The following PRR36 variants were observed in gnomAD, a reference collection of about 807,000 sequenced individuals.
PRR36 encodes proline-rich protein 36.
In PRR36, 30 loss-of-function variants were observed where a neutral mutation model predicts 58.6. The ratio of observed to expected loss-of-function variants is 0.51; its 90% CI spans 0.38 to 0.69. The LOEUF (loss-of-function observed/expected upper bound fraction) is 0.69, where lower values mean the gene tolerates loss of function less well. Among genes scored for constraint, PRR36 ranks in the 30% least tolerant of loss-of-function variants. The pLI is 0.00. For synonymous variants in PRR36, 771 were observed against 829.3 expected, an observed-to-expected ratio of 0.93 and a Z score of 1.21; for missense variants, 1,692 against 1,805.6, an observed-to-expected ratio of 0.94 and a Z score of 1.14.
Position 7,870,397 on chromosome 19 carries a change from T to A in PRR36, c.2847A>T (p.Pro949=). The change falls in exon 5 of 6, where the codon CCA becomes CCT. Residue 949 remains proline (P), a synonymous_variant. Coordinates refer to ENST00000618550, the MANE Select transcript of PRR36 (RefSeq NM_001190467.2). The stretch of plus-strand genomic sequence containing the variant: ...GCAGAGGAGGCGCAGCGAGAGGGGG[T>A]GGGGCCTGTGGAGGGGGCGTGGCTG... ...SPSATPPPQA[P]PPLAAPPLQV... is the part of the protein sequence containing the mutation. 1 of 313,946 alleles carries A rather than the reference T, an allele frequency of 3.2e-6. No homozygotes were observed. The highest frequency in any genetic ancestry group is 4.0e-6 in the Non-Finnish European group (1 of 250,332). 19.4% of individuals were successfully genotyped at this position (313,946 alleles called of 1,614,324 possible).
chr19:7,868,860 C>T lies in PRR36; in HGVS notation c.*173G>A. The T allele has an allele frequency of 1.4e-6, 1 of 715,426 alleles. No individual in the cohort carries two copies. Among genetic ancestry groups the T allele is most frequent in the Non-Finnish European group, 2.1e-6 (1 of 466,720 alleles). 44.3% of individuals were successfully genotyped at this position (715,426 alleles called of 1,614,324 possible). A position where few individuals can be genotyped will look rare whatever the true frequency, so the allele number is the denominator to read the frequency against. ...CTCGAGGGGCGGGCCTAGGTCAAAG[C>T]TGTGGGTAGGTCCCGAGCCTCCGAG... On this transcript the variant is annotated 3_prime_UTR_variant, in exon 6 of 6. Transcript: ENST00000618550.
In PRR36 at chr19:7,872,675, G is replaced by C; in HGVS notation, c.569C>G (p.Pro190Arg). 1 of 1,455,772 alleles carries C rather than the reference G, an allele frequency of 6.9e-7. No homozygotes were observed. The highest frequency in any genetic ancestry group is 9.0e-7 in the Non-Finnish European group (1 of 1,109,672). 90.2% of individuals were successfully genotyped at this position (1,455,772 alleles called of 1,614,324 possible). Residue 190 changes from proline (P) to arginine (R), a missense_variant, in exon 5 of 6, where the codon CCC becomes CGC. By Grantham distance (103) the Pro-to-Arg change is moderately radical (BLOSUM62 -2). This residue lies in a region of PRR36 where 975 missense variants were observed against 955.2 expected (regional missense o/e 1.02). Coordinates refer to ENST00000618550, the MANE Select transcript of PRR36 (RefSeq NM_001190467.2). This position sits in a 1 kb window ranked among gnomAD's most constrained non-coding sequence, Gnocchi z 6.1. ...SRAAGTEVGL[P>R]RPAPSARPRP... ...TGGCCGGGCACTCGGAGCTGGCCGGGGGAGCCCCACCTCGGTGCCCGCAGC... is the reference window on the plus strand; with the variant it reads ...TGGCCGGGCACTCGGAGCTGGCCGGCGGAGCCCCACCTCGGTGCCCGCAGC...
chr19:7,872,216 G>A lies in PRR36; in HGVS notation c.1028C>T (p.Ala343Val), dbSNP rs1460778380. 1.1e-5 allele frequency: 16 copies of A among 1,457,392 alleles called. No individual in the cohort carries two copies. The South Asian group carries it at 2.3e-4, about 21-fold the overall frequency. The allele number at this position is 1,457,392 out of a possible 1,614,324, so 90.3% of individuals were successfully genotyped here. A position where few individuals can be genotyped will look rare whatever the true frequency, so the allele number is the denominator to read the frequency against. ...GGGCGGGGCCTGACTTTGGAGAGCGGCTGGCGGAGGGGGCGTTACCGGTGG... is the reference window on the plus strand; with the variant it reads ...GGGCGGGGCCTGACTTTGGAGAGCGACTGGCGGAGGGGGCGTTACCGGTGG... The part of the protein sequence containing the change: ...PSPPVTPPPP[A>V]ALQSQAPPTL... The change falls in exon 5 of 6, where the codon GCC becomes GTC. Residue 343 changes from alanine to valine, a missense_variant. Around this residue, in one of 5 missense-constraint regions of PRR36, gnomAD observed 975 missense variants for 955.2 expected, o/e 1.02. Transcript: ENST00000618550. The surrounding 1 kb of genome is among the most constrained non-coding windows in gnomAD (Gnocchi z 6.1).
Position 7,873,337 on chromosome 19 carries a change from G to T in PRR36, c.272-38C>A. On this transcript the variant is annotated intron_variant, in intron 2 of 5. Transcript: ENST00000618550. The surrounding 1 kb of genome is among the most constrained non-coding windows in gnomAD (Gnocchi z 5.0). ...GGCCGAGTCACAGGTGCCCCGGAGA[G>T]GTGGCAGTGGAGGTGAGACTGGACA... is the stretch of plus-strand genomic sequence containing the variant. 6.6e-7 allele frequency: 1 copy of T among 1,521,198 alleles called. No individual in the cohort carries two copies. Among genetic ancestry groups the T allele is most frequent in the Non-Finnish European group, 8.8e-7 (1 of 1,137,882 alleles). 94.2% of individuals were successfully genotyped at this position (1,521,198 alleles called of 1,614,324 possible).
Position 7,872,247 on chromosome 19 carries a change from G to A in PRR36, c.997C>T (p.Pro333Ser), listed in dbSNP as rs1349107106. Reference sequence around the variant, plus strand: ...GGAGGGGGCGTTACCGGTGGAGAGGGAGGGAGCGTGGCTGGCAGGGGAGTG... The same window carrying A: ...GGAGGGGGCGTTACCGGTGGAGAGGAAGGGAGCGTGGCTGGCAGGGGAGTG... ...AATPLPATLPPSPPVTPPPPA... is the reference protein window; with the variant it reads ...AATPLPATLPSSPPVTPPPPA... The change falls in exon 5 of 6, where the codon CCC becomes TCC. Residue 333 changes from proline to serine, a missense_variant. Pro to Ser is a moderately conservative substitution (Grantham distance 74). This residue lies in a region of PRR36 where 975 missense variants were observed against 955.2 expected (regional missense o/e 1.02). Transcript: ENST00000618550. This position sits in a 1 kb window ranked among gnomAD's most constrained non-coding sequence, Gnocchi z 6.1. 2.1e-6 allele frequency: 3 copies of A among 1,457,820 alleles called. No individual in the cohort carries two copies. 90.3% of individuals were successfully genotyped at this position (1,457,820 alleles called of 1,614,324 possible). A position where few individuals can be genotyped will look rare whatever the true frequency, so the allele number is the denominator to read the frequency against.
In PRR36 at chr19:7,871,985, A is replaced by C. The variant is rs754259725; in HGVS notation, c.1259T>G (p.Val420Gly). 7.8e-6 allele frequency: 12 copies of C among 1,535,792 alleles called. No homozygotes were observed. Among genetic ancestry groups the C allele is most frequent in the Non-Finnish European group, 1.0e-5 (12 of 1,146,852 alleles). ...GVSSLATAAF[V>G]ASVSPSVSSP... ...TGAAACTGATGGAGAGACTGAAGCC[A>C]CAAAAGCGGCTGTGGCCAGGGAAGA... Residue 420 changes from valine (V) to glycine (G), a missense_variant, in exon 5 of 6, where the codon GTG becomes GGG. By Grantham distance (109) the Val-to-Gly change is moderately radical. Transcript: ENST00000618550.
Position 7,869,106 on chromosome 19 carries a change from G to T in PRR36, c.3968C>A (p.Thr1323Asn). 6.5e-7 allele frequency: 1 copy of T among 1,535,254 alleles called. No individual in the cohort carries two copies. The highest frequency in any genetic ancestry group is 8.7e-7 in the Non-Finnish European group (1 of 1,146,614). The stretch of plus-strand genomic sequence containing the variant: ...GGCCACGTCGTCCGGAGAGAAGCTG[G>T]TGACCGAGGTGATGCTGGCACGGGA... Reference protein sequence around the residue: ...DESRASITSVTSFSPDDVASP... With the variant: ...DESRASITSVNSFSPDDVASP... Residue 1323 changes from threonine to asparagine, a missense_variant, in exon 6 of 6, where the codon ACC (threonine) becomes AAC (asparagine). This residue lies in a region of PRR36 where 485 missense variants were observed against 549.2 expected (regional missense o/e 0.88). Transcript: ENST00000618550.
In PRR36 at chr19:7,870,932, GCTGTCTGC is replaced by G; in HGVS notation, c.2304_2311del (p.Gln769PhefsTer234). The G allele has an allele frequency of 1.4e-5, 20 of 1,393,480 alleles. No homozygotes were observed. Among genetic ancestry groups the G allele is most frequent in the Non-Finnish European group, 1.3e-5 (14 of 1,077,232 alleles). The allele number at this position is 1,393,480 out of a possible 1,614,324, so 86.3% of individuals were successfully genotyped here. A position where few individuals can be genotyped will look rare whatever the true frequency, so the allele number is the denominator to read the frequency against. On this transcript the variant is annotated frameshift_variant, in exon 5 of 6. Transcript: ENST00000618550. LOFTEE classifies it high-confidence loss of function. ...ATGGGGTGTGGTCAGGGGAGCAGAA[GCTGTCTGC>G]AGAGGAGGCGGGGCTAGAGAAGGTA...
In PRR36 at chr19:7,871,857, G is replaced by C; in HGVS notation, c.1387C>G (p.Pro463Ala). 2 of 1,536,044 alleles carry C rather than the reference G, an allele frequency of 1.3e-6. No homozygotes were observed. Among genetic ancestry groups the C allele is most frequent in the Non-Finnish European group, 1.7e-6 (2 of 1,146,888 alleles). ...GCCGGAGAAACAGGGCCTTGTAGAG[G>C]AGACATGGCTGACAGAGGAGGTGTG... ...LATPPLSAMSPLQGPVSPATS... is the reference protein window; with the variant it reads ...LATPPLSAMSALQGPVSPATS... Residue 463 changes from proline (P) to alanine (A), a missense_variant, in exon 5 of 6, where the codon CCT becomes GCT. Transcript: ENST00000618550.
At position 7,870,181 on chromosome 19, in the gene PRR36, G is replaced by A. The variant is rs1239579319; in HGVS notation, c.3063C>T (p.Ala1021=). ...GGAATGAGGCAGGCGGAGAGGGAAG[G>A]GCCTGCAGAGGAGGTGTGGCCAGAG... ...PPALATPPLQ[A]LPSPPASFPG... The change falls in exon 5 of 6, where the codon GCC becomes GCT. Residue 1021 remains alanine, a synonymous_variant. Transcript: ENST00000618550. 3 of 1,426,690 alleles carry A rather than the reference G, an allele frequency of 2.1e-6. No individual in the cohort carries two copies. The highest frequency in any genetic ancestry group is 2.7e-6 in the Non-Finnish European group (3 of 1,096,016). 88.4% of individuals were successfully genotyped at this position (1,426,690 alleles called of 1,614,324 possible).
chr19:7,872,883 G>A lies in PRR36; in HGVS notation c.453C>T (p.Pro151=). The change falls in exon 4 of 6, where the codon CCC becomes CCT. Residue 151 remains proline (P), a synonymous_variant. Coordinates refer to ENST00000618550, the MANE Select transcript of PRR36 (RefSeq NM_001190467.2). The surrounding 1 kb of genome is among the most constrained non-coding windows in gnomAD (Gnocchi z 6.1). Reference sequence around the variant, plus strand: ...CCCCAGCGCTGAGGGCACTCCTTTTGGGAGCCTCTGTAGCTTTTCCTCTGG... The same window carrying A: ...CCCCAGCGCTGAGGGCACTCCTTTTAGGAGCCTCTGTAGCTTTTCCTCTGG... ...TVARGKATEA[P]KRSALSAGAR... 1 of 1,536,024 alleles carries A rather than the reference G, an allele frequency of 6.5e-7. No individual in the cohort carries two copies. The highest frequency in any genetic ancestry group is 8.7e-7 in the Non-Finnish European group (1 of 1,146,850).
In PRR36 at chr19:7,872,915, T is replaced by C; in HGVS notation, c.421A>G (p.Thr141Ala). 6.5e-7 allele frequency: 1 copy of C among 1,536,028 alleles called. No individual in the cohort carries two copies. Among genetic ancestry groups the C allele is most frequent in the Admixed American group, 2.0e-5 (1 of 50,990 alleles). The change falls in exon 4 of 6, where the codon ACT becomes GCT. Residue 141 changes from threonine to alanine, a missense_variant. Physicochemically the swap from Thr to Ala is moderately conservative, Grantham distance 58 (BLOSUM62 0). Around this residue, in one of 5 missense-constraint regions of PRR36, gnomAD observed 975 missense variants for 955.2 expected, o/e 1.02. Transcript: ENST00000618550. The surrounding 1 kb of genome is among the most constrained non-coding windows in gnomAD (Gnocchi z 6.1). ...TCTGTAGCTTTTCCTCTGGCCACAG[T>C]TTCCTCCGCTGAGATCCGGAGTCCC... ...QKGLRISAEE[T>A]VARGKATEAP...
At position 7,869,306 on chromosome 19, in the gene PRR36, G is replaced by A. The variant is rs181586972; in HGVS notation, c.3768C>T (p.Val1256=). Residue 1256 remains valine (V), a synonymous_variant, in exon 6 of 6, where the codon GTC becomes GTT. Transcript: ENST00000618550. ...GCGTCCGGCTCAGCAGGTGCTGCACGACGCTCGCCTGCAGCGCCCCCAGTG... is the reference window on the plus strand; with the variant it reads ...GCGTCCGGCTCAGCAGGTGCTGCACAACGCTCGCCTGCAGCGCCCCCAGTG... ...ELPLGALQAS[V]VQHLLSRTLL... is the part of the protein sequence containing the mutation. The A allele has an allele frequency of 5.5e-4, 783 of 1,431,626 alleles. No homozygotes were observed. Among genetic ancestry groups the A allele is most frequent in the Admixed American group, 6.7e-4 (22 of 32,606 alleles). The allele number at this position is 1,431,626 out of a possible 1,614,324, so 88.7% of individuals were successfully genotyped here. A position where few individuals can be genotyped will look rare whatever the true frequency, so the allele number is the denominator to read the frequency against.
At position 7,869,255 on chromosome 19, in the gene PRR36, G is replaced by C. The variant is rs1980252717; in HGVS notation, c.3819C>G (p.Ala1273=). The stretch of plus-strand genomic sequence containing the variant: ...CTGGGCCCCCGCCGCTGCCGCCCGC[G>C]GCACCCTCGGCAGCCGCCAGCAGCA... ...RTLLLAAAEG[A]AGGSGGGPGG... The change falls in exon 6 of 6, where the codon GCC becomes GCG. Residue 1273 remains alanine (A), a synonymous_variant. Transcript: ENST00000618550. 3 of 1,472,716 alleles carry C rather than the reference G, an allele frequency of 2.0e-6. No individual in the cohort carries two copies. Among genetic ancestry groups the C allele is most frequent in the Non-Finnish European group, 2.7e-6 (3 of 1,122,294 alleles). The allele number at this position is 1,472,716 out of a possible 1,614,324, so 91.2% of individuals were successfully genotyped here. A position where few individuals can be genotyped will look rare whatever the true frequency, so the allele number is the denominator to read the frequency against.
Position 7,870,333 on chromosome 19 carries a change from G to A in PRR36, c.2911C>T (p.Pro971Ser). 2 of 878,286 alleles carry A rather than the reference G, an allele frequency of 2.3e-6. No homozygotes were observed. Among genetic ancestry groups the A allele is most frequent in the Non-Finnish European group, 2.7e-6 (2 of 739,328 alleles). 54.4% of individuals were successfully genotyped at this position (878,286 alleles called of 1,614,324 possible). A position where few individuals can be genotyped will look rare whatever the true frequency, so the allele number is the denominator to read the frequency against. The change falls in exon 5 of 6, where the codon CCT becomes TCT. Residue 971 changes from proline (P) to serine (S), a missense_variant. Pro to Ser is a moderately conservative substitution (Grantham distance 74). Transcript: ENST00000618550. Reference sequence around the variant, plus strand: ...ACCCGTGGAGGGGGCGTGGCCGAAGGAGACATTGGGGGAGAGGCAGGGGGA... The same window carrying A: ...ACCCGTGGAGGGGGCGTGGCCGAAGAAGACATTGGGGGAGAGGCAGGGGGA... Reference protein sequence around the residue: ...PSPPASPPMSPSATPPPRVPP... With the variant: ...PSPPASPPMSSSATPPPRVPP...
chr19:7,872,519 A>G lies in PRR36; in HGVS notation c.725T>C (p.Leu242Pro). 2 of 1,504,052 alleles carry G rather than the reference A, an allele frequency of 1.3e-6. No homozygotes were observed. Among genetic ancestry groups the G allele is most frequent in the East Asian group, 2.5e-5 (1 of 39,594 alleles). The allele number at this position is 1,504,052 out of a possible 1,614,324, so 93.2% of individuals were successfully genotyped here. ...GGAGAGAGGGGTGGCGCTGGAGCTC[A>G]GGGAGCGCGAGGCCGGCCTCTGGAG... Reference protein sequence around the residue: ...GGLQRPASRSLSSSATPLSSP... With the variant: ...GGLQRPASRSPSSSATPLSSP... Residue 242 changes from leucine (L) to proline (P), a missense_variant, in exon 5 of 6, where the codon CTG becomes CCG. By Grantham distance (98) the Leu-to-Pro change is moderately conservative. This residue lies in a region of PRR36 where 975 missense variants were observed against 955.2 expected (regional missense o/e 1.02). Coordinates refer to ENST00000618550, the MANE Select transcript of PRR36 (RefSeq NM_001190467.2). The surrounding 1 kb of genome is among the most constrained non-coding windows in gnomAD (Gnocchi z 6.1).
rs1404090673 is a variant in PRR36 at position 7,873,601 on chromosome 19, G to C, written c.89C>G (p.Pro30Arg). The C allele has an allele frequency of 1.3e-6, 2 of 1,534,948 alleles. No individual in the cohort carries two copies. Among genetic ancestry groups the C allele is most frequent in the East Asian group, 2.4e-5 (1 of 40,894 alleles). ...RAPGLLTPRP[P>R]GSPRPPPPVT... Reference sequence around the variant, plus strand: ...TGGGGGAGGGGGTCGAGGAGAGCCTGGGGGCCTGGGGGTCAGAAGTCCAGG... The same window carrying C: ...TGGGGGAGGGGGTCGAGGAGAGCCTCGGGGCCTGGGGGTCAGAAGTCCAGG... Residue 30 changes from proline (P) to arginine (R), a missense_variant, in exon 2 of 6, where the codon CCA becomes CGA. Coordinates refer to ENST00000618550, the MANE Select transcript of PRR36 (RefSeq NM_001190467.2). The surrounding 1 kb of genome is among the most constrained non-coding windows in gnomAD (Gnocchi z 5.0).
chr19:7,871,306 C>G lies in PRR36; in HGVS notation c.1938G>C (p.Pro646=). The G allele has an allele frequency of 6.5e-7, 1 of 1,528,120 alleles. No individual in the cohort carries two copies. The highest frequency in any genetic ancestry group is 8.8e-7 in the Non-Finnish European group (1 of 1,142,488). The allele number at this position is 1,528,120 out of a possible 1,614,324, so 94.7% of individuals were successfully genotyped here. A position where few individuals can be genotyped will look rare whatever the true frequency, so the allele number is the denominator to read the frequency against. The change falls in exon 5 of 6, where the codon CCG becomes CCC. Residue 646 remains proline (P), a synonymous_variant. Transcript: ENST00000618550. ...TQASLISPSR[P]ASTPPDSPPL... ...GGGGTGAATCAGGGGGAGTAGAGGC[C>G]GGCCGAGAAGGTGAGATCAAAGAAG...
chr19:7,873,306 G>C lies in PRR36; in HGVS notation c.272-7C>G. On this transcript the variant is annotated splice_region_variant and splice_polypyrimidine_tract_variant and intron_variant, in intron 2 of 5. Coordinates refer to ENST00000618550, the MANE Select transcript of PRR36 (RefSeq NM_001190467.2). This position sits in a 1 kb window ranked among gnomAD's most constrained non-coding sequence, Gnocchi z 5.0. ...GAGGCTGGGGGCCTGGAGGCTGCGG[G>C]GAGAAGGCCGAGTCACAGGTGCCCC... 6.5e-7 allele frequency: 1 copy of C among 1,531,528 alleles called. No individual in the cohort carries two copies. The highest frequency in any genetic ancestry group is 8.7e-7 in the Non-Finnish European group (1 of 1,144,584). The allele number at this position is 1,531,528 out of a possible 1,614,324, so 94.9% of individuals were successfully genotyped here. A position where few individuals can be genotyped will look rare whatever the true frequency, so the allele number is the denominator to read the frequency against.
Sources: gnomAD v4.1 joint callset for allele counts on GRCh38, gnomAD v4.1.1 for gene constraint, gnomAD v4.1.1 regional missense constraint, Gnocchi (gnomAD v3.1) non-coding constraint, MANE v1.5 for transcripts, NCBI Gene and HGNC (gene_info 2026-07-23, HGNC 2026-07-21) for gene names.